Variants in TASOR observed in about 807,000 individuals in gnomAD.
The protein encoded by TASOR is protein TASOR.
Under a neutral mutation model 178.6 loss-of-function variants are expected in TASOR, and 53 were observed. The ratio of observed to expected loss-of-function variants is 0.30; its 90% CI spans 0.24 to 0.37. The LOEUF is 0.37. Ranked by LOEUF, TASOR falls within the 10% of genes least tolerant of loss-of-function variation. The pLI is 1.00. For missense variants in TASOR, 1,815 were observed against 1,971.4 expected (o/e 0.92, Z 1.50); for synonymous variants, 713 against 696.2 (o/e 1.02, Z -0.38).
chr3:56,629,065 A>G (rs1464591106), intron 18 of TASOR: 1 of 152,194 alleles, frequency 6.6e-6, no homozygotes, highest in Non-Finnish European at 1.5e-5. Flanking sequence ...GAGCCACTGC[A>G]CATGGCCCAA....
intron 22 of TASOR, 52 bp from the exon 23 acceptor site, chr3:56,624,695 C>T (rs1227823946): frequency 1.9e-6 from 3 of 1,555,610 alleles, no homozygotes; most frequent in Middle Eastern, 1.8e-4. Flanking sequence ...ATATAGACAG[C>T]CCCTAGCCCT....
At chr3:56,676,742 G>A (rs1316543280) in intron 1 of TASOR, among the ~76,000 whole-genome samples, 1 of 152,146 alleles carries the variant, frequency 6.6e-6, no homozygotes, top group Non-Finnish European at 1.5e-5. Context: ...CTAATCGTAA[G>A]TAAAAAATTA....
chr3:56,647,231 TAAAAC>T lies in TASOR; in HGVS notation c.1514-13_1514-9del, dbSNP rs771612370. ...TGGTTGAACCTTTTTGTGCTGTAAA[TAAAAC>T]AAACAAACAAAAAAGCAAACCATGT... On this transcript the variant is annotated splice_polypyrimidine_tract_variant and intron_variant, in intron 13 of 23. Transcript: ENST00000683822. 16 of 1,514,280 alleles carry T rather than the reference TAAAAC, an allele frequency of 1.1e-5. No homozygotes were observed. The African/African-American group carries it at 2.0e-4, about 19-fold the overall frequency. The allele number at this position is 1,514,280 out of a possible 1,614,324, so 93.8% of individuals were successfully genotyped here.
chr3:56,670,041 A>G (rs1272647660), intron 4 of TASOR, 32 bp downstream of exon 4: 3 of 1,345,094 alleles, frequency 2.2e-6, no homozygotes, highest in African/African-American at 1.5e-5. Context: ...ACTTAGTAGT[A>G]GATATTTATA....
At chr3:56,666,696 T>G (rs1344016889) in intron 6 of TASOR, among the ~76,000 whole-genome samples, 1 of 151,892 alleles carries the variant, frequency 6.6e-6, no homozygotes, top group Admixed American at 6.6e-5. Flanking sequence ...CCAGGTCAGC[T>G]CAGAATAGCC....
At position 56,628,589 on chromosome 3, in the gene TASOR, G is replaced by A; in HGVS notation, c.3773C>T (p.Thr1258Ile). The A allele has an allele frequency of 6.4e-7, 1 of 1,571,774 alleles. No individual in the cohort carries two copies. The highest frequency in any genetic ancestry group is 8.7e-7 in the Non-Finnish European group (1 of 1,147,670). Residue 1258 changes from threonine to isoleucine, a missense_variant, in exon 19 of 24, where the codon ACA (threonine) becomes ATA (isoleucine). Thr to Ile is a moderately conservative substitution (Grantham distance 89). Coordinates refer to ENST00000683822, the MANE Select transcript of TASOR (RefSeq NM_001365635.2). ...CAAAAACTGTTCAGGATGACATTCT[G>A]TATTGCCTAATTTGATAAGATATTC... ...IKEYLIKLGN[T>I]ECHPEQFLER...
rs1283701655 is a variant in TASOR at position 56,620,404 on chromosome 3, T to C, written c.*2633A>G. 4 of 153,282 alleles carry C rather than the reference T, an allele frequency of 2.6e-5. No individual in the cohort carries two copies. Among genetic ancestry groups the C allele is most frequent in the Non-Finnish European group, 5.8e-5 (4 of 68,826 alleles). 9.5% of individuals were successfully genotyped at this position (153,282 alleles called of 1,614,324 possible). ...TTGTGACTTCTTTTTGCTCTCTGAT[T>C]AAAACAAACAGGTAACATCCTTACA... On this transcript the variant is annotated 3_prime_UTR_variant, in exon 24 of 24. Coordinates refer to ENST00000683822, the MANE Select transcript of TASOR (RefSeq NM_001365635.2).
chr3:56,624,354 T>C, intron 23 of TASOR, 125 bp downstream of exon 23: 1 of 885,016 alleles, frequency 1.1e-6, no homozygotes, highest in Non-Finnish European at 1.7e-6. Flanking sequence ...CTTGAAACAC[T>C]TTCCCTATGG....
chr3:56,652,558 A>T (rs1463731649), intron 11 of TASOR, among the ~76,000 whole-genome samples: 4 of 52,246 alleles, frequency 7.7e-5, no homozygotes, highest in Admixed American at 2.6e-4. Flanking sequence ...TGCCTATTTA[A>T]AAAAAAAAAA....
intron 18 of TASOR, 76 bp downstream of exon 18, chr3:56,632,968 A>C: frequency 8.3e-7 from 1 of 1,210,698 alleles, no homozygotes; most frequent in South Asian, 1.6e-5. Flanking sequence ...TTAAATACAA[A>C]AAACTTCCAT....
At chr3:56,657,784 T>C (rs1277519132) in intron 11 of TASOR, among the ~76,000 whole-genome samples, 1 of 152,238 alleles carries the variant, frequency 6.6e-6, no homozygotes, top group African/African-American at 2.4e-5. Flanking sequence ...AGCGATTTTA[T>C]TTATATACCA....
intron 11 of TASOR, among the ~76,000 whole-genome samples, chr3:56,652,887 T>C (rs896064222): frequency 1.4e-4 from 21 of 152,208 alleles, no homozygotes; most frequent in Non-Finnish European, 1.5e-5. Flanking sequence ...TGAAGTTACT[T>C]AGAATGCAGC....
At position 56,647,082 on chromosome 3, in the gene TASOR, G is replaced by C; in HGVS notation, c.1655C>G (p.Ser552Cys). ...TTCACTTACATACTTTTCAACAACA[G>C]AATGAAAATTTATGGCGCTTATATT... ...FKNISAINFH[S>C]VVEKYVSEFF... Residue 552 changes from serine to cysteine, a missense_variant, in exon 14 of 24, where the codon TCT (serine) becomes TGT (cysteine). By Grantham distance (112) the Ser-to-Cys change is moderately radical (BLOSUM62 -1). This residue lies in a region of TASOR where 504 missense variants were observed against 645.3 expected (regional missense o/e 0.78). Transcript: ENST00000683822. 1 of 1,606,354 alleles carries C rather than the reference G, an allele frequency of 6.2e-7. No individual in the cohort carries two copies. The highest frequency in any genetic ancestry group is 8.5e-7 in the Non-Finnish European group (1 of 1,178,290).
In TASOR at chr3:56,623,109, A is replaced by G. The variant is rs141869747; in HGVS notation, c.4941T>C (p.Asp1647=). 4 of 1,613,030 alleles carry G rather than the reference A, an allele frequency of 2.5e-6. No homozygotes were observed. The highest frequency in any genetic ancestry group is 1.3e-5 in the African/African-American group (1 of 74,914). The change falls in exon 24 of 24, where the codon GAT becomes GAC. Residue 1647 remains aspartate (D), a synonymous_variant. Coordinates refer to ENST00000683822, the MANE Select transcript of TASOR (RefSeq NM_001365635.2). ...TTAAGGGAGGTGGAGATTTATCTCTATCCAAGCTTTCAGTATAAGCAGATA... is the reference window on the plus strand; with the variant it reads ...TTAAGGGAGGTGGAGATTTATCTCTGTCCAAGCTTTCAGTATAAGCAGATA... ...YFLSAYTESL[D]RDKSPPPLSW...
rs1320871657 is a variant in TASOR, at chr3:56,683,227, G to A, written c.-221C>T. The A allele has an allele frequency of 6.2e-6, 3 of 486,520 alleles. No individual in the cohort carries two copies. The highest frequency in any genetic ancestry group is 1.1e-5 in the Non-Finnish European group (3 of 279,452). The allele number at this position is 486,520 out of a possible 1,614,324, so 30.1% of individuals were successfully genotyped here. ...GTCCTCGGAGCCGCTCCTCCCTCGG[G>A]CAGTTCTTCTGCCTTCCCCCGCCAC... On this transcript the variant is annotated 5_prime_UTR_variant, in exon 1 of 24. Coordinates refer to ENST00000683822, the MANE Select transcript of TASOR (RefSeq NM_001365635.2).
At chr3:56,671,989 C>T (rs1453812309) in intron 2 of TASOR, among the ~76,000 whole-genome samples, 1 of 152,130 alleles carries the variant, frequency 6.6e-6, no homozygotes, top group African/African-American at 2.4e-5. Flanking sequence ...TTTGTATCTT[C>T]CATTTTACTT....
At chr3:56,652,216 TTAGA>T (rs1403327938) in intron 11 of TASOR, among the ~76,000 whole-genome samples, 6 of 152,158 alleles carry the variant, frequency 3.9e-5, no homozygotes, top group African/African-American at 1.4e-4. Context: ...TGTTCGGGAA[TTAGA>T]TAGTGTTGAT....
At chr3:56,680,865 A>G (rs1047364434) in intron 1 of TASOR, among the ~76,000 whole-genome samples, 2 of 152,114 alleles carry the variant, frequency 1.3e-5, no homozygotes, top group Non-Finnish European at 2.9e-5. Context: ...CCCAAGAGGT[A>G]CAAGACTATG....
chr3:56,643,744 G>T (rs2077176589), intron 14 of TASOR, among the ~76,000 whole-genome samples: 2 of 139,510 alleles, frequency 1.4e-5, no homozygotes, highest in Non-Finnish European at 3.0e-5. Flanking sequence ...GACAGAGCGA[G>T]ACTCCGTCTC....
Sources: allele counts gnomAD v4.1 joint callset (sites outside exome capture counted in the v4.1 genomes callset), GRCh38; gene constraint gnomAD v4.1.1; regional missense constraint gnomAD v4.1.1; transcripts MANE v1.5; gene names NCBI Gene and HGNC (gene_info 2026-07-23, HGNC 2026-07-21).